Variants in PAPSS2 observed in about 807,000 individuals in gnomAD.
The protein encoded by PAPSS2 is bifunctional 3'-phosphoadenosine 5'-phosphosulfate synthase 2.
In PAPSS2, 61 loss-of-function variants were observed where a neutral mutation model predicts 66.5. The ratio of observed to expected loss-of-function variants is 0.92; its 90% CI spans 0.75 to 1.14. The LOEUF is 1.14. Among genes scored for constraint, PAPSS2 ranks in the 50% most tolerant of loss-of-function variants. PAPSS2 has a pLI of 0.00. For synonymous variants in PAPSS2, 289 were observed against 287.5 expected (o/e 1.01, Z -0.05); for missense variants, 708 against 789.6 (o/e 0.90, Z 1.24).
intron 1 of PAPSS2, among the ~76,000 whole-genome samples, chr10:87,675,903 A>G (rs1852937588): frequency 6.6e-6 from 1 of 151,324 alleles, no homozygotes; most frequent in Non-Finnish European, 1.5e-5. Flanking sequence ...GCATTGTAAC[A>G]TGCCTGAGGG....
intron 1 of PAPSS2, among the ~76,000 whole-genome samples, chr10:87,670,592 A>C (rs1852865077): frequency 6.6e-6 from 1 of 151,990 alleles, no homozygotes; most frequent in African/African-American, 2.4e-5. Flanking sequence ...ACACACACAC[A>C]CACACACACT....
At chr10:87,689,840 A>G (rs1853147446) in intron 1 of PAPSS2, among the ~76,000 whole-genome samples, 1 of 152,206 alleles carries the variant, frequency 6.6e-6, no homozygotes, top group South Asian at 2.1e-4. Flanking sequence ...ACATAATAAA[A>G]GGTGTAAGGT....
At chr10:87,713,334 A>AAT in intron 3 of PAPSS2, 24 bp downstream of exon 3, 1 of 1,180,924 alleles carries the variant, frequency 8.5e-7, no homozygotes, top group Non-Finnish European at 1.2e-6. Flanking sequence ...AAAAAAAAAA[A>AAT]GGCACTACAC....
At chr10:87,669,686 A>G (rs1042244803) in intron 1 of PAPSS2, among the ~76,000 whole-genome samples, 1 of 152,224 alleles carries the variant, frequency 6.6e-6, no homozygotes, top group Non-Finnish European at 1.5e-5. Context: ...GTTCATTGCC[A>G]CGATTTATTG....
chr10:87,694,176 T>G (rs186648083), intron 1 of PAPSS2, among the ~76,000 whole-genome samples: 149 of 152,352 alleles, frequency 9.8e-4, no homozygotes, highest in African/African-American at 3.5e-3. Flanking sequence ...CAGGCTTAGC[T>G]TGCTCAAGGT....
chr10:87,676,782 G>A (rs1852952847), intron 1 of PAPSS2, among the ~76,000 whole-genome samples: 1 of 149,650 alleles, frequency 6.7e-6, no homozygotes, highest in Admixed American at 6.7e-5. Context: ...TGAGGTGGGA[G>A]GATCACTTGA....
At chr10:87,701,901 A>T (rs1055605446) in intron 1 of PAPSS2, among the ~76,000 whole-genome samples, 3 of 152,206 alleles carry the variant, frequency 2.0e-5, no homozygotes, top group Admixed American at 6.5e-5. Flanking sequence ...AACACAAAAA[A>T]GTCATTGAAT....
intron 1 of PAPSS2, among the ~76,000 whole-genome samples, chr10:87,675,974 T>TC (rs1474735417): frequency 0.024 from 3,422 of 142,366 alleles, 82 homozygotes; most frequent in African/African-American, 0.069. Flanking sequence ...CACATTTCTT[T>TC]TTTTTTTTTT....
chr10:87,696,393 C>G (rs1025678995), intron 1 of PAPSS2, among the ~76,000 whole-genome samples: 15 of 152,132 alleles, frequency 9.9e-5, no homozygotes, highest in African/African-American at 2.9e-4. Context: ...TGAGGACATA[C>G]AAAGGGCTGA....
chr10:87,674,199 C>G (rs949075846), intron 1 of PAPSS2, among the ~76,000 whole-genome samples: 6 of 152,228 alleles, frequency 3.9e-5, no homozygotes, highest in African/African-American at 1.4e-4. Flanking sequence ...AAGTCTTGCT[C>G]TGTCTCCCAG....
intron 8 of PAPSS2, among the ~76,000 whole-genome samples, chr10:87,725,125 A>G (rs955596474): frequency 2.6e-5 from 4 of 152,194 alleles, no homozygotes; most frequent in Admixed American, 6.5e-5. Flanking sequence ...ACTGATTTAA[A>G]TGTTAATCCC....
chr10:87,693,203 T>C (rs1853192462), intron 1 of PAPSS2, among the ~76,000 whole-genome samples: 1 of 152,182 alleles, frequency 6.6e-6, no homozygotes, highest in African/African-American at 2.4e-5. Flanking sequence ...AATGGAATCA[T>C]CAGAATATCA....
chr10:87,672,567 A>G (rs973705172), intron 1 of PAPSS2, among the ~76,000 whole-genome samples: 2 of 152,236 alleles, frequency 1.3e-5, no homozygotes, highest in East Asian at 1.9e-4. Flanking sequence ...TCCATTAAAC[A>G]TAGAAATTCT....
In PAPSS2 at chr10:87,707,967, A is replaced by T. The variant is rs116269410; in HGVS notation, c.28-1229A>T. Among the ~76,000 whole-genome samples the T allele has an allele frequency of 4.9e-3, 751 of 152,336 alleles. 9 individuals are homozygous for T. Among genetic ancestry groups the T allele is most frequent in the African/African-American group, 0.017 (708 of 41,574 alleles). On this transcript the variant is annotated intron_variant, in intron 1 of 12. Transcript: ENST00000456849. ...ATTTAAAAGGCTCATAGATTTTTAC[A>T]GTTCAGAAACCTGGATTCTGTCTGT... is the stretch of plus-strand genomic sequence containing the variant.
At chr10:87,745,594 C>T (rs1853927797) in intron 12 of PAPSS2, among the ~76,000 whole-genome samples, 1 of 152,192 alleles carries the variant, frequency 6.6e-6, no homozygotes, top group South Asian at 2.1e-4. Flanking sequence ...AGAAGACAGA[C>T]TCTGGGCTCA....
chr10:87,663,417 T>G (rs188941804), intron 1 of PAPSS2, among the ~76,000 whole-genome samples: 4 of 151,986 alleles, frequency 2.6e-5, no homozygotes, highest in Admixed American at 2.0e-4. Context: ...CAGCCAGAAG[T>G]AATTACTTTT....
Position 87,714,032 on chromosome 10 carries a change from A to G in PAPSS2, c.382-12A>G. 1.9e-6 allele frequency: 3 copies of G among 1,613,692 alleles called. No homozygotes were observed. Among genetic ancestry groups the G allele is most frequent in the Non-Finnish European group, 2.5e-6 (3 of 1,179,676 alleles). Reference sequence around the variant, plus strand: ...AACCTCTTTTTACATTCTTAATCATATTGCTTTTCAGGATCGTGAGAATGC... The same window carrying G: ...AACCTCTTTTTACATTCTTAATCATGTTGCTTTTCAGGATCGTGAGAATGC... On this transcript the variant is annotated splice_polypyrimidine_tract_variant and intron_variant, in intron 3 of 12. Transcript: ENST00000456849.
chr10:87,680,790 C>T (rs898760240), intron 1 of PAPSS2, among the ~76,000 whole-genome samples: 1 of 152,086 alleles, frequency 6.6e-6, no homozygotes, highest in Admixed American at 6.5e-5. Context: ...CTACCTCCTT[C>T]TCCTCGGTAA....
intron 1 of PAPSS2, among the ~76,000 whole-genome samples, chr10:87,666,873 A>C (rs1358864): frequency 0.45 from 68,902 of 151,548 alleles, 16,414 homozygotes; most frequent in East Asian, 0.77. Context: ...GGGGCTGCTG[A>C]AACCCACCCT....
Sources: allele counts gnomAD v4.1 joint callset (sites outside exome capture counted in the v4.1 genomes callset), GRCh38; gene constraint gnomAD v4.1.1; transcripts MANE v1.5; gene names NCBI Gene and HGNC (gene_info 2026-07-23, HGNC 2026-07-21).